The following ENOX1 variants were observed in gnomAD, a reference collection of about 807,000 sequenced individuals.
The protein encoded by ENOX1 is ecto-NOX disulfide-thiol exchanger 1.
In ENOX1, 42 loss-of-function variants were observed where a neutral mutation model predicts 82.5. The ratio of observed to expected loss-of-function variants is 0.51; its 90% CI spans 0.40 to 0.66. The LOEUF (loss-of-function observed/expected upper bound fraction) is 0.66, where lower values mean the gene tolerates loss of function less well. Ranked by LOEUF, ENOX1 falls within the 30% of genes least tolerant of loss-of-function variation. ENOX1 has a pLI of 0.00. For missense variants in ENOX1, 608 were observed against 811.6 expected, an observed-to-expected ratio of 0.75 and a Z score of 3.05; for synonymous variants, 271 against 282.2, an observed-to-expected ratio of 0.96 and a Z score of 0.40.
chr13:43,487,371 G>A (rs1342178119), intron 2 of ENOX1, among the ~76,000 whole-genome samples: 1 of 152,044 alleles, frequency 6.6e-6, no homozygotes, highest in Non-Finnish European at 1.5e-5. Flanking sequence ...ACATGATTAG[G>A]CATTTACAGA....
intron 2 of ENOX1, among the ~76,000 whole-genome samples, chr13:43,564,633 A>G (rs540980774): frequency 6.6e-6 from 1 of 152,320 alleles, no homozygotes; most frequent in East Asian, 1.9e-4. Flanking sequence ...TTACTTTAAA[A>G]ATGCAGATTG....
At chr13:43,512,657 A>G (rs1044764027) in intron 2 of ENOX1, among the ~76,000 whole-genome samples, 20 of 151,036 alleles carry the variant, frequency 1.3e-4, no homozygotes, top group African/African-American at 4.9e-4. Context: ...AGCCAAAGAA[A>G]TAACTCTGAT....
chr13:43,359,921 T>C lies in ENOX1; in HGVS notation c.519A>G (p.Lys173=), dbSNP rs752132667. ...GAATGTGACAAAAATTCTTCTTGCTTTTCCGAATTGCTGTAATATCACCGC... is the reference window on the plus strand; with the variant it reads ...GAATGTGACAAAAATTCTTCTTGCTCTTCCGAATTGCTGTAATATCACCGC... ...EQCGDITAIR[K]SKKNFCHIRF... The change falls in exon 7 of 17, where the codon AAA becomes AAG. Residue 173 remains lysine, a synonymous_variant. Transcript: ENST00000690772. 6.2e-6 allele frequency: 10 copies of C among 1,614,234 alleles called. No homozygotes were observed. The South Asian group carries it at 1.1e-4, about 18-fold the overall frequency.
At chr13:43,696,795 C>CTTTT (rs5803203) in intron 1 of ENOX1, among the ~76,000 whole-genome samples, 1 of 140,738 alleles carries the variant, frequency 7.1e-6, no homozygotes. Context: ...GATTCCTTTG[C>CTTTT]TTTTTTTTTT....
intron 2 of ENOX1, among the ~76,000 whole-genome samples, chr13:43,621,580 C>T (rs2082733603): frequency 6.6e-6 from 1 of 152,122 alleles, no homozygotes; most frequent in Non-Finnish European, 1.5e-5. Flanking sequence ...AAGATAGGGT[C>T]CCAATCCCGT....
intron 5 of ENOX1, among the ~76,000 whole-genome samples, chr13:43,371,792 A>C (rs1207421995): frequency 1.3e-5 from 2 of 152,226 alleles, no homozygotes; most frequent in African/African-American, 4.8e-5. Context: ...TGTTTAAATA[A>C]TATCAGTATA....
chr13:43,648,367 C>T (rs555937888), intron 2 of ENOX1, among the ~76,000 whole-genome samples: 1 of 152,302 alleles, frequency 6.6e-6, no homozygotes, highest in South Asian at 2.1e-4. Context: ...TGCAACCACG[C>T]AGCTTACAAC....
intron 3 of ENOX1, among the ~76,000 whole-genome samples, chr13:43,432,931 A>G (rs1314016391): frequency 1.3e-5 from 2 of 152,178 alleles, no homozygotes; most frequent in South Asian, 4.1e-4. Flanking sequence ...TTAATTGTCA[A>G]TAAAACACAT....
At chr13:43,361,940 A>C (rs1594144092) in intron 5 of ENOX1, among the ~76,000 whole-genome samples, 1 of 151,070 alleles carries the variant, frequency 6.6e-6, no homozygotes, top group South Asian at 2.1e-4. Context: ...CTTTATAATG[A>C]TGTATTCAGG....
chr13:43,363,009 A>G (rs2050627192), intron 5 of ENOX1, among the ~76,000 whole-genome samples: 1 of 152,144 alleles, frequency 6.6e-6, no homozygotes, highest in Non-Finnish European at 1.5e-5. Flanking sequence ...TACTTCCTCT[A>G]CAATTATGGC....
At chr13:43,442,518 T>C (rs762195136) in intron 3 of ENOX1, among the ~76,000 whole-genome samples, 5 of 152,170 alleles carry the variant, frequency 3.3e-5, no homozygotes, top group Non-Finnish European at 7.3e-5. Context: ...TCACTCTAAA[T>C]ACCAATGACA....
intron 2 of ENOX1, among the ~76,000 whole-genome samples, chr13:43,640,904 ACACG>A (rs2083614924): frequency 4.8e-5 from 2 of 41,634 alleles, no homozygotes; most frequent in Non-Finnish European, 8.5e-5. Context: ...ACGTACACAC[ACACG>A]CACGCACACA....
intron 3 of ENOX1, among the ~76,000 whole-genome samples, chr13:43,426,550 C>T (rs2055314535): frequency 6.6e-6 from 1 of 152,076 alleles, no homozygotes; most frequent in African/African-American, 2.4e-5. Flanking sequence ...GATATCTTTA[C>T]TCTTGAGCAA....
chr13:43,453,308 C>CTAA, intron 3 of ENOX1, among the ~76,000 whole-genome samples: 1 of 152,274 alleles, frequency 6.6e-6, no homozygotes, highest in South Asian at 2.1e-4. Context: ...TACTAGCAAA[C>CTAA]TTTTAGGGAG....
intron 3 of ENOX1, among the ~76,000 whole-genome samples, chr13:43,482,280 T>A (rs953042470): frequency 2.0e-5 from 3 of 152,144 alleles, no homozygotes; most frequent in African/African-American, 7.2e-5. Context: ...ATGGTCTATA[T>A]GTAGAACAGA....
chr13:43,411,392 T>C (rs549551065), intron 5 of ENOX1, among the ~76,000 whole-genome samples: 1 of 152,296 alleles, frequency 6.6e-6, no homozygotes, highest in East Asian at 1.9e-4. Flanking sequence ...ATGCATGCAT[T>C]GTATTAGGAT....
At chr13:43,483,752 A>G (rs2058594284) in intron 3 of ENOX1, among the ~76,000 whole-genome samples, 1 of 152,206 alleles carries the variant, frequency 6.6e-6, no homozygotes, top group African/African-American at 2.4e-5. Flanking sequence ...AAACACAAAA[A>G]TAAAATTTGT....
chr13:43,400,837 T>C (rs1306150562), intron 5 of ENOX1, among the ~76,000 whole-genome samples: 11 of 152,200 alleles, frequency 7.2e-5, no homozygotes. Context: ...AAAACAAAAG[T>C]GTAAAGATAG....
intron 3 of ENOX1, among the ~76,000 whole-genome samples, chr13:43,460,425 T>C (rs914901362): frequency 6.6e-6 from 1 of 152,058 alleles, no homozygotes; most frequent in Non-Finnish European, 1.5e-5. Context: ...AAGTCATAAG[T>C]GTGTTGGTAG....
Sources: gnomAD v4.1 joint callset for allele counts (sites outside exome capture counted in the v4.1 genomes callset) on GRCh38, gnomAD v4.1.1 for gene constraint, MANE v1.5 for transcripts, NCBI Gene and HGNC (gene_info 2026-07-23, HGNC 2026-07-21) for gene names.